The following PHACTR1 variants were observed in gnomAD, a reference collection of about 807,000 sequenced individuals.
PHACTR1 encodes the protein phosphatase and actin regulator 1, also known as RPEL repeat containing 1.
In PHACTR1, 16 loss-of-function variants were observed where a neutral mutation model predicts 69.2. That is an observed-to-expected ratio of 0.23 (90% CI 0.16 to 0.35). The LOEUF is 0.35. Among genes scored for constraint, PHACTR1 ranks in the 10% least tolerant of loss-of-function variants. The probability of loss-of-function intolerance (pLI) is 1.00; values close to 1 mark genes in which losing one functional copy is unlikely to be tolerated. For synonymous variants in PHACTR1, 312 were observed against 284.5 expected (o/e 1.10, Z -0.97); for missense variants, 510 against 734.7 (o/e 0.69, Z 3.54).
chr6:13,122,169 A>T (rs1046695031), intron 5 of PHACTR1, among the ~76,000 whole-genome samples: 1 of 152,186 alleles, frequency 6.6e-6, no homozygotes, highest in Admixed American at 6.6e-5. Flanking sequence ...ATGGTAGGCA[A>T]TCCAATGAGG....
intron 4 of PHACTR1, among the ~76,000 whole-genome samples, chr6:12,786,206 T>C (rs1378425766): frequency 6.6e-6 from 1 of 152,190 alleles, no homozygotes; most frequent in Non-Finnish European, 1.5e-5. Flanking sequence ...GGAATGTAAT[T>C]GGGTTTCTCA....
At chr6:13,160,991 T>C (rs1242940428) in intron 6 of PHACTR1, among the ~76,000 whole-genome samples, 1 of 152,216 alleles carries the variant, frequency 6.6e-6, no homozygotes, top group Non-Finnish European at 1.5e-5. Context: ...ATTATGTATA[T>C]ATTTTGGAGA....
At chr6:13,023,653 C>A (rs1189301093) in intron 4 of PHACTR1, among the ~76,000 whole-genome samples, 2 of 152,206 alleles carry the variant, frequency 1.3e-5, no homozygotes. Context: ...TAGTGAAGCA[C>A]CATCTTCTTT....
intron 4 of PHACTR1, among the ~76,000 whole-genome samples, chr6:13,014,367 C>T (rs986441593): frequency 6.6e-5 from 10 of 152,172 alleles, no homozygotes; most frequent in African/African-American, 2.2e-4. Context: ...ATATGGTCCC[C>T]AAAATGAGGG....
chr6:12,942,721 A>C (rs1269113811), intron 4 of PHACTR1, among the ~76,000 whole-genome samples: 1 of 152,238 alleles, frequency 6.6e-6, no homozygotes, highest in Non-Finnish European at 1.5e-5. Context: ...GAATTCATAC[A>C]GTCCAACTCC....
intron 4 of PHACTR1, among the ~76,000 whole-genome samples, chr6:12,853,858 G>T (rs1362073207): frequency 2.6e-5 from 4 of 152,206 alleles, no homozygotes; most frequent in African/African-American, 9.7e-5. Flanking sequence ...GATGAGATTT[G>T]GGTGGGGACA....
intron 4 of PHACTR1, among the ~76,000 whole-genome samples, chr6:12,757,936 A>AC (rs1193116024): frequency 6.6e-6 from 1 of 151,866 alleles, no homozygotes; most frequent in Admixed American, 6.6e-5. Context: ...ACACGGTGAA[A>AC]CCCCGTCTCT....
chr6:12,926,966 G>T (rs1788339573), intron 4 of PHACTR1, among the ~76,000 whole-genome samples: 1 of 152,194 alleles, frequency 6.6e-6, no homozygotes, highest in Non-Finnish European at 1.5e-5. Context: ...GCTCCTGCAA[G>T]CCTTAGTTAA....
intron 4 of PHACTR1, among the ~76,000 whole-genome samples, chr6:13,010,192 A>C (rs943044177): frequency 6.6e-6 from 1 of 151,824 alleles, no homozygotes; most frequent in Admixed American, 6.6e-5. Flanking sequence ...CAATGGCGTG[A>C]TCTCGGCTCA....
intron 4 of PHACTR1, among the ~76,000 whole-genome samples, chr6:12,872,555 G>A (rs998344499): frequency 6.6e-6 from 1 of 152,132 alleles, no homozygotes; most frequent in African/African-American, 2.4e-5. Flanking sequence ...CTCCATGTAT[G>A]TTGATACAAG....
intron 5 of PHACTR1, among the ~76,000 whole-genome samples, chr6:13,084,520 T>C (rs1811960463): frequency 6.6e-6 from 1 of 150,476 alleles, no homozygotes; most frequent in Admixed American, 6.6e-5. Context: ...ACTTAAAGTA[T>C]AATTAAAAAA....
At chr6:13,051,722 TCTC>T (rs1805978920) in intron 4 of PHACTR1, among the ~76,000 whole-genome samples, 2 of 152,306 alleles carry the variant, frequency 1.3e-5, no homozygotes, top group Admixed American at 6.5e-5. Context: ...TTAGTTGCTC[TCTC>T]CTCTTCACTT....
intron 11 of PHACTR1, chr6:13,273,905 C>CCCCCG (rs3830717): frequency 2.3e-5 from 3 of 131,880 alleles, no homozygotes; most frequent in African/African-American, 5.7e-5. Flanking sequence ...TCCCCCGGCC[C>CCCCCG]CCCCGCCCCG....
At chr6:12,749,005 T>C (rs1766173315) in intron 3 of PHACTR1, among the ~76,000 whole-genome samples, 1 of 152,206 alleles carries the variant, frequency 6.6e-6, no homozygotes, top group African/African-American at 2.4e-5. Flanking sequence ...GTTTGAGCTC[T>C]TGCCTGGCAG....
In PHACTR1 at chr6:13,047,377, C is replaced by CAAAA. The variant is rs35293642; in HGVS notation, c.251-5966_251-5963dup. Among the ~76,000 whole-genome samples, 119 of 54,776 alleles carry CAAAA rather than the reference C, an allele frequency of 2.2e-3. 2 individuals are homozygous for CAAAA. Among genetic ancestry groups the CAAAA allele is most frequent in the African/African-American group, 5.9e-3 (106 of 18,004 alleles). 35.9% of individuals were successfully genotyped at this position (54,776 alleles called of 152,430 possible). A position where few individuals can be genotyped will look rare whatever the true frequency, so the allele number is the denominator to read the frequency against. ...TGGGTGACAGAGCAAAACCCTGTCTCAAAAAAAAAAAAAAAAAAAAAAAAA... is the reference window on the plus strand; with the variant it reads ...TGGGTGACAGAGCAAAACCCTGTCTCAAAAAAAAAAAAAAAAAAAAAAAAAAAAA... On this transcript the variant is annotated intron_variant, in intron 4 of 14. Transcript: ENST00000332995.
At chr6:12,858,083 C>A (rs1468370780) in intron 4 of PHACTR1, among the ~76,000 whole-genome samples, 5 of 152,140 alleles carry the variant, frequency 3.3e-5, no homozygotes, top group African/African-American at 1.2e-4. Context: ...AATCTCCCTG[C>A]AACATGAAAG....
intron 4 of PHACTR1, among the ~76,000 whole-genome samples, chr6:12,790,717 GA>G (rs1487215893): frequency 1.2e-4 from 18 of 152,198 alleles, no homozygotes; most frequent in Non-Finnish European, 2.6e-4. Flanking sequence ...GAATCTTAAG[GA>G]AAGTGAAGAA....
At chr6:13,187,194 G>A (rs377350176) in intron 7 of PHACTR1, among the ~76,000 whole-genome samples, 36 of 152,162 alleles carry the variant, frequency 2.4e-4, no homozygotes, top group African/African-American at 8.2e-4. Flanking sequence ...AATAGGCCGC[G>A]GACCAGTACA....
At chr6:12,954,672 G>C (rs58423965) in intron 4 of PHACTR1, among the ~76,000 whole-genome samples, 2,229 of 152,236 alleles carry the variant, frequency 0.015, 47 homozygotes, top group African/African-American at 0.051. Context: ...ATGTTTTAAT[G>C]TTCATGATCC....
Sources: allele counts gnomAD v4.1 joint callset (sites outside exome capture counted in the v4.1 genomes callset), GRCh38; gene constraint gnomAD v4.1.1; transcripts MANE v1.5; gene names NCBI Gene and HGNC (gene_info 2026-07-23, HGNC 2026-07-21).